FSTL4: variants seen among roughly 807,000 people sequenced by gnomAD.
FSTL4 encodes the protein follistatin like 4, also known as follistatin-related protein 4.
A neutral mutation model predicts 78.2 loss-of-function variants in FSTL4; 28 were observed. That is an observed-to-expected ratio of 0.36 (90% CI 0.27 to 0.49). The LOEUF is 0.49. Ranked by LOEUF, FSTL4 falls within the 20% of genes least tolerant of loss-of-function variation. The probability of loss-of-function intolerance (pLI) is 0.98; values close to 1 mark genes in which losing one functional copy is unlikely to be tolerated. For synonymous variants in FSTL4, 422 were observed against 440.5 expected (o/e 0.96, Z 0.53); for missense variants, 922 against 1,084.9 (o/e 0.85, Z 2.11).
At chr5:133,337,355 A>T (rs1175084787) in intron 4 of FSTL4, among the ~76,000 whole-genome samples, 1 of 110,800 alleles carries the variant, frequency 9.0e-6, no homozygotes, top group Non-Finnish European at 1.9e-5. Context: ...ACTCTTGCCC[A>T]CACTTTCCCT....
intron 4 of FSTL4, among the ~76,000 whole-genome samples, chr5:133,343,259 C>T (rs560586115): frequency 3.3e-5 from 5 of 152,164 alleles, no homozygotes; most frequent in South Asian, 2.1e-4. Context: ...GGAGGGTTGA[C>T]GCTAGCTCTG....
intron 3 of FSTL4, among the ~76,000 whole-genome samples, chr5:133,414,986 C>T (rs1178308754): frequency 6.6e-6 from 1 of 152,226 alleles, no homozygotes; most frequent in Admixed American, 6.5e-5. Flanking sequence ...ATAACCTATG[C>T]ACCTCTCTTC....
the FSTL4 span, among the ~76,000 whole-genome samples, chr5:133,674,547 C>T: frequency 7.2e-5 from 11 of 151,908 alleles, no homozygotes; most frequent in South Asian, 1.2e-3. Context: ...TGAGAAATCC[C>T]GTAGAGAACG....
At chr5:133,583,301 A>G (rs1372214512) in intron 2 of FSTL4, 2 of 270,456 alleles carry the variant, frequency 7.4e-6, no homozygotes. Flanking sequence ...AGGAGCCAAG[A>G]TGGCCGAATA....
At chr5:133,508,357 G>A (rs1758655088) in intron 3 of FSTL4, among the ~76,000 whole-genome samples, 4 of 152,156 alleles carry the variant, frequency 2.6e-5, no homozygotes, top group Admixed American at 2.6e-4. Context: ...TCAAATGCTT[G>A]GCTTTCTATC....
the FSTL4 span, among the ~76,000 whole-genome samples, chr5:133,669,507 T>G: frequency 2.6e-5 from 4 of 152,194 alleles, no homozygotes; most frequent in Admixed American, 6.5e-5. Flanking sequence ...CTTGCCAGGT[T>G]CCGGTCAGCA....
intron 14 of FSTL4, among the ~76,000 whole-genome samples, chr5:133,206,029 A>G (rs1285856784): frequency 6.6e-6 from 1 of 152,228 alleles, no homozygotes; most frequent in African/African-American, 2.4e-5. Context: ...CTCTGTATTT[A>G]TAAGTGAGAT....
intron 2 of FSTL4, among the ~76,000 whole-genome samples, chr5:133,568,291 C>T (rs531365870): frequency 1.3e-4 from 20 of 152,154 alleles, no homozygotes; most frequent in Admixed American, 1.3e-3. Flanking sequence ...AAAGTCCATA[C>T]TAGCAACTAA....
intron 6 of FSTL4, among the ~76,000 whole-genome samples, chr5:133,261,393 A>G (rs964324055): frequency 6.6e-6 from 1 of 152,120 alleles, no homozygotes; most frequent in Non-Finnish European, 1.5e-5. Flanking sequence ...AAATCCTAAG[A>G]CATCCCCCAA....
At chr5:133,723,239 G>T in the FSTL4 span, among the ~76,000 whole-genome samples, 1 of 152,134 alleles carries the variant, frequency 6.6e-6, no homozygotes, top group Non-Finnish European at 1.5e-5. Context: ...CAGATACTTG[G>T]GCCCACAAGG....
At chr5:133,708,239 G>A in the FSTL4 span, among the ~76,000 whole-genome samples, 6 of 152,010 alleles carry the variant, frequency 3.9e-5, no homozygotes, top group South Asian at 2.1e-4. Flanking sequence ...CATTAAAGAC[G>A]TCCAGTTGCC....
At chr5:133,279,382 G>A (rs377319531) in intron 6 of FSTL4, among the ~76,000 whole-genome samples, 2 of 152,190 alleles carry the variant, frequency 1.3e-5, no homozygotes, top group African/African-American at 2.4e-5. Flanking sequence ...AGTTTTGTCC[G>A]AAACCATCTC....
chr5:133,512,993 T>A (rs935248934), intron 3 of FSTL4, among the ~76,000 whole-genome samples: 2 of 152,094 alleles, frequency 1.3e-5, no homozygotes, highest in Admixed American at 1.3e-4. Context: ...AATTTTTATA[T>A]TACTTTTAGT....
intron 6 of FSTL4, among the ~76,000 whole-genome samples, chr5:133,286,180 T>C (rs764945425): frequency 6.6e-6 from 1 of 152,262 alleles, no homozygotes; most frequent in Non-Finnish European, 1.5e-5. Flanking sequence ...TTACTGACTA[T>C]GCAACCTTGG....
At chr5:133,214,571 G>A (rs1156429877) in intron 13 of FSTL4, among the ~76,000 whole-genome samples, 1 of 152,054 alleles carries the variant, frequency 6.6e-6, no homozygotes. Context: ...TCAGTCTCAT[G>A]TTGAACTTTT....
chr5:133,736,221 G>A, the FSTL4 span, among the ~76,000 whole-genome samples: 1 of 152,230 alleles, frequency 6.6e-6, no homozygotes, highest in South Asian at 2.1e-4. Flanking sequence ...TGTCCACAGT[G>A]CAGGGAAGGG....
chr5:133,670,493 T>C, the FSTL4 span, among the ~76,000 whole-genome samples: 1 of 152,132 alleles, frequency 6.6e-6, no homozygotes, highest in Non-Finnish European at 1.5e-5. Context: ...AGTAGAACAG[T>C]GGTCTAATCA....
intron 3 of FSTL4, among the ~76,000 whole-genome samples, chr5:133,543,126 C>T (rs1400202303): frequency 1.3e-5 from 2 of 152,184 alleles, no homozygotes; most frequent in African/African-American, 4.8e-5. Context: ...TCAGAGCTCA[C>T]TGCAGCTTCA....
chr5:133,657,039 A>T, the FSTL4 span, among the ~76,000 whole-genome samples: 1 of 152,210 alleles, frequency 6.6e-6, no homozygotes, highest in Non-Finnish European at 1.5e-5. Context: ...AGGAGATTCA[A>T]GTTCAGAGCA....
Sources: allele counts gnomAD v4.1 joint callset (sites outside exome capture counted in the v4.1 genomes callset), GRCh38; gene constraint gnomAD v4.1.1; transcripts MANE v1.5; gene names NCBI Gene and HGNC (gene_info 2026-07-23, HGNC 2026-07-21).